The following ZNF705G variants were observed in gnomAD, a reference collection of about 807,000 sequenced individuals.
The protein encoded by ZNF705G is putative zinc finger protein 705G.
A neutral mutation model predicts 19.6 loss-of-function variants in ZNF705G; 23 were observed. The observed-to-expected ratio is 1.17, with a 90% CI of 0.84 to 1.66. ZNF705G has a LOEUF of 1.66. Among genes scored for constraint, ZNF705G ranks in the 40% most tolerant of loss-of-function variants. ZNF705G has a pLI of 0.00. For missense variants in ZNF705G, 457 were observed against 354.4 expected (o/e 1.29, Z -2.32); for synonymous variants, 146 against 117.7 (o/e 1.24, Z -1.56).
chr8:7,362,118 A>T (rs1158731148), intron 3 of ZNF705G, among the ~76,000 whole-genome samples: 1 of 149,654 alleles, frequency 6.7e-6, no homozygotes, highest in Non-Finnish European at 1.5e-5. Context: ...AGATTTAAAA[A>T]GCCTCTTCAT....
Position 7,357,156 on chromosome 8 carries a change from A to C in ZNF705G, c.*820T>G, listed in dbSNP as rs2466111. 7 of 150,620 alleles carry C rather than the reference A, an allele frequency of 4.6e-5. 1 individual carries two copies. Among genetic ancestry groups the C allele is most frequent in the African/African-American group, 1.0e-4 (4 of 39,214 alleles). The allele number at this position is 150,620 out of a possible 1,614,324, so 9.3% of individuals were successfully genotyped here. On this transcript the variant is annotated 3_prime_UTR_variant, in exon 7 of 7. Coordinates refer to ENST00000400156, the MANE Select transcript of ZNF705G (RefSeq NM_001164457.3). Reference sequence around the variant, plus strand: ...ATTTTCTCCTTTCAAGATGCTAACCATGTTTTGTCCAGTGAGAAATCTCAC... The same window carrying C: ...ATTTTCTCCTTTCAAGATGCTAACCCTGTTTTGTCCAGTGAGAAATCTCAC...
intron 2 of ZNF705G, among the ~76,000 whole-genome samples, chr8:7,369,495 A>T (rs1369891590): frequency 6.7e-6 from 1 of 149,622 alleles, no homozygotes. Context: ...CTGAGCCTGG[A>T]AAAGCTGCAG....
At chr8:7,380,631 G>A (rs1441258009) in intron 2 of ZNF705G, among the ~76,000 whole-genome samples, 6 of 146,548 alleles carry the variant, frequency 4.1e-5, no homozygotes, top group South Asian at 2.1e-4. Context: ...CTGGGGTCAC[G>A]AGAGTTGACC....
intron 2 of ZNF705G, among the ~76,000 whole-genome samples, chr8:7,379,732 T>C (rs1338262741): frequency 6.8e-6 from 1 of 147,170 alleles, no homozygotes; most frequent in Non-Finnish European, 1.5e-5. Context: ...CAAGGGACAG[T>C]CTCTCAGCCC....
At chr8:7,379,129 T>A (rs1451593247) in intron 2 of ZNF705G, among the ~76,000 whole-genome samples, 7 of 149,928 alleles carry the variant, frequency 4.7e-5, no homozygotes, top group Non-Finnish European at 1.0e-4. Flanking sequence ...TTTAAAAGTA[T>A]GTTAGCTGGA....
chr8:7,368,196 C>T (rs1348967416), intron 2 of ZNF705G, among the ~76,000 whole-genome samples: 2 of 149,630 alleles, frequency 1.3e-5, no homozygotes, highest in Non-Finnish European at 2.9e-5. Context: ...TGGAGACACT[C>T]CCTGTTCAAT....
chr8:7,357,891 G>C lies in ZNF705G; in HGVS notation c.*85C>G, dbSNP rs978307752. On this transcript the variant is annotated 3_prime_UTR_variant, in exon 7 of 7. Coordinates refer to ENST00000400156, the MANE Select transcript of ZNF705G (RefSeq NM_001164457.3). ...TTCTCTCCAGGGTGAATTTTCTGATGCTCTTTAAGATTAGTACATTGTCTG... is the reference window on the plus strand; with the variant it reads ...TTCTCTCCAGGGTGAATTTTCTGATCCTCTTTAAGATTAGTACATTGTCTG... 1 of 1,569,134 alleles carries C rather than the reference G, an allele frequency of 6.4e-7. No individual in the cohort carries two copies. The highest frequency in any genetic ancestry group is 1.5e-5 in the African/African-American group (1 of 67,164).
At chr8:7,369,905 G>C (rs1242424469) in intron 2 of ZNF705G, among the ~76,000 whole-genome samples, 1 of 149,022 alleles carries the variant, frequency 6.7e-6, no homozygotes, top group Non-Finnish European at 1.5e-5. Flanking sequence ...GGGAAGGTGG[G>C]GACAAAGGCC....
intron 2 of ZNF705G, among the ~76,000 whole-genome samples, chr8:7,375,724 T>A (rs201092432): frequency 2.2e-5 from 2 of 91,432 alleles, no homozygotes; most frequent in African/African-American, 5.1e-5. Context: ...TAGCTGTATT[T>A]TAATCAATTA....
rs111414174 is a variant in ZNF705G, at chr8:7,379,197, G to C, written c.-72+2255C>G. Reference sequence around the variant, plus strand: ...AAACAATGTTAAGTTATGTCACATGGACTACTCGAAATCTCAAAAAGTTCA... The same window carrying C: ...AAACAATGTTAAGTTATGTCACATGCACTACTCGAAATCTCAAAAAGTTCA... On this transcript the variant is annotated intron_variant, in intron 2 of 6. Coordinates refer to ENST00000400156, the MANE Select transcript of ZNF705G (RefSeq NM_001164457.3). Among the ~76,000 whole-genome samples the C allele has an allele frequency of 1.9e-3, 277 of 148,130 alleles. 8 individuals carry two copies. Among genetic ancestry groups the C allele is most frequent in the African/African-American group, 7.2e-3 (271 of 37,530 alleles).
At chr8:7,368,414 T>G (rs141344932) in intron 2 of ZNF705G, among the ~76,000 whole-genome samples, 10 of 149,632 alleles carry the variant, frequency 6.7e-5, no homozygotes, top group African/African-American at 2.3e-4. Flanking sequence ...AGACTCTATA[T>G]TCTAAAATTC....
rs181743142 is a variant in ZNF705G, at chr8:7,359,802, G to A, written c.236-101C>T. On this transcript the variant is annotated intron_variant, in intron 5 of 6. Transcript: ENST00000400156. Reference sequence around the variant, plus strand: ...TACTTTTTTCAAAAATTGACACGTAGATGTGGCAAGTGTGTCAAATGAAGA... The same window carrying A: ...TACTTTTTTCAAAAATTGACACGTAAATGTGGCAAGTGTGTCAAATGAAGA... The A allele has an allele frequency of 7.6e-5, 118 of 1,543,202 alleles. 2 individuals are homozygous for A. The East Asian group carries it at 2.5e-3, about 33-fold the overall frequency.
chr8:7,381,091 A>T (rs534577245), intron 2 of ZNF705G, among the ~76,000 whole-genome samples: 1 of 133,722 alleles, frequency 7.5e-6, no homozygotes, highest in East Asian at 2.0e-4. Flanking sequence ...GTAAACAGAA[A>T]GTGGTCAGCA....
chr8:7,364,816 A>T (rs1322431753), intron 2 of ZNF705G, among the ~76,000 whole-genome samples: 1 of 149,554 alleles, frequency 6.7e-6, no homozygotes, highest in East Asian at 1.9e-4. Context: ...TGTCCCTTCC[A>T]TGAATGTACC....
intron 1 of ZNF705G, 40 bp downstream of exon 1, chr8:7,385,456 CCA>C (rs1807682993): frequency 6.7e-6 from 1 of 149,636 alleles, no homozygotes; most frequent in South Asian, 2.1e-4. Flanking sequence ...TTATTGCCTC[CCA>C]CCCCTTATTT....
chr8:7,363,704 C>T (rs1365798074), intron 2 of ZNF705G, among the ~76,000 whole-genome samples: 1 of 149,210 alleles, frequency 6.7e-6, no homozygotes, highest in African/African-American at 2.6e-5. Context: ...GCCTGTAATC[C>T]CAGCTACTCA....
Position 7,357,879 on chromosome 8 carries a change from G to T in ZNF705G, c.*97C>A. ...AAGTTTATAATTTTCTCTCCAGGGTGAATTTTCTGATGCTCTTTAAGATTA... is the reference window on the plus strand; with the variant it reads ...AAGTTTATAATTTTCTCTCCAGGGTTAATTTTCTGATGCTCTTTAAGATTA... On this transcript the variant is annotated 3_prime_UTR_variant, in exon 7 of 7. Coordinates refer to ENST00000400156, the MANE Select transcript of ZNF705G (RefSeq NM_001164457.3). 1 of 1,556,366 alleles carries T rather than the reference G, an allele frequency of 6.4e-7. No individual in the cohort carries two copies. The highest frequency in any genetic ancestry group is 1.2e-5 in the South Asian group (1 of 81,970).
chr8:7,369,286 T>A (rs1195610979), intron 2 of ZNF705G, among the ~76,000 whole-genome samples: 4 of 149,444 alleles, frequency 2.7e-5, no homozygotes, highest in Admixed American at 2.6e-4. Context: ...TCTAAAGATG[T>A]ATGGGAAAGC....
intron 2 of ZNF705G, among the ~76,000 whole-genome samples, chr8:7,371,571 C>G (rs1409614961): frequency 5.6e-4 from 57 of 101,454 alleles, no homozygotes; most frequent in African/African-American, 1.9e-3. Flanking sequence ...ATGGTGTATA[C>G]TTATCCCCAA....
Sources: allele counts gnomAD v4.1 joint callset (sites outside exome capture counted in the v4.1 genomes callset), GRCh38; gene constraint gnomAD v4.1.1; transcripts MANE v1.5; gene names NCBI Gene and HGNC (gene_info 2026-07-23, HGNC 2026-07-21).